The following ADK variants were observed in gnomAD, a reference collection of about 807,000 sequenced individuals.
The protein encoded by ADK is adenosine kinase.
A neutral mutation model predicts 44.7 loss-of-function variants in ADK; 24 were observed. The ratio of observed to expected loss-of-function variants is 0.54; its 90% confidence interval spans 0.39 to 0.76. The LOEUF (loss-of-function observed/expected upper bound fraction) is 0.76, where lower values mean the gene tolerates loss of function less well. Among genes scored for constraint, ADK ranks in the 30% least tolerant of loss-of-function variants. The probability of loss-of-function intolerance (pLI) is 0.00; values close to 1 mark genes in which losing one functional copy is unlikely to be tolerated. For missense variants in ADK, 321 were observed against 425.1 expected, an observed-to-expected ratio of 0.76 and a Z score of 2.15; for synonymous variants, 128 against 142.6, an observed-to-expected ratio of 0.90 and a Z score of 0.73.
chr10:74,547,107 A>AC (rs1849848484), intron 7 of ADK, among the ~76,000 whole-genome samples: 1 of 152,144 alleles, frequency 6.6e-6, no homozygotes, highest in African/African-American at 2.4e-5. Flanking sequence ...AAAGAATTAT[A>AC]AGAAGAGTAC....
chr10:74,525,508 A>ATATAAAT (rs2133622425), intron 7 of ADK, 82 bp downstream of exon 7: 1 of 1,266,788 alleles, frequency 7.9e-7, no homozygotes, highest in East Asian at 2.4e-5. Flanking sequence ...GTTTAGAAAT[A>ATATAAAT]TATAAATTAA....
At chr10:74,157,507 T>C (rs1841781539) in intron 1 of ADK, among the ~76,000 whole-genome samples, 1 of 151,890 alleles carries the variant, frequency 6.6e-6, no homozygotes, top group South Asian at 2.1e-4. Context: ...AGTTGAACTC[T>C]AGACCAGACA....
intron 1 of ADK, among the ~76,000 whole-genome samples, chr10:74,153,334 G>A (rs554250265): frequency 1.2e-4 from 19 of 152,300 alleles, no homozygotes; most frequent in African/African-American, 4.3e-4. Context: ...ATGGAATTCA[G>A]GGGTGCTGCT....
At position 74,215,978 on chromosome 10, in the gene ADK, T is replaced by G. The variant is rs142831000; in HGVS notation, c.141-8560T>G. ...GCCTAAATCACTCTTTTTAGTGGAC[T>G]CTAAATACCACTGTGATTTGATACC... On this transcript the variant is annotated intron_variant, in intron 2 of 10. Transcript: ENST00000539909. 3.4e-3 allele frequency among the ~76,000 whole-genome samples: 518 copies of G among 152,310 alleles called. 1 individual carries two copies. Among genetic ancestry groups the G allele is most frequent in the African/African-American group, 0.012 (479 of 41,564 alleles).
intron 3 of ADK, among the ~76,000 whole-genome samples, chr10:74,290,508 C>T (rs973258175): frequency 2.2e-4 from 33 of 151,878 alleles, no homozygotes; most frequent in African/African-American, 8.0e-4. Flanking sequence ...TCCAATTACT[C>T]TACAAACCAT....
chr10:74,582,268 G>C (rs1851397120), intron 7 of ADK, among the ~76,000 whole-genome samples: 1 of 151,654 alleles, frequency 6.6e-6, no homozygotes, highest in Admixed American at 6.6e-5. Flanking sequence ...CTGTGATCCT[G>C]CCACTGTATT....
intron 1 of ADK, among the ~76,000 whole-genome samples, chr10:74,199,743 G>A (rs551092388): frequency 3.9e-5 from 6 of 152,002 alleles, no homozygotes; most frequent in Middle Eastern, 3.4e-3. Flanking sequence ...GCAGTGGCAC[G>A]ATCTCGACTC....
intron 9 of ADK, among the ~76,000 whole-genome samples, chr10:74,615,703 A>AGTTTT (rs935829637): frequency 4.0e-5 from 6 of 151,426 alleles, no homozygotes; most frequent in Non-Finnish European, 1.5e-5. Flanking sequence ...TTTTGTGTGT[A>AGTTTT]GTTTTGTTTT....
At chr10:74,413,309 T>C (rs1460539255) in intron 6 of ADK, among the ~76,000 whole-genome samples, 5 of 152,198 alleles carry the variant, frequency 3.3e-5, no homozygotes, top group African/African-American at 1.2e-4. Context: ...GTAAAAGTCT[T>C]CAATAGCATC....
At chr10:74,323,859 C>T (rs1592047543) in intron 4 of ADK, among the ~76,000 whole-genome samples, 1 of 151,606 alleles carries the variant, frequency 6.6e-6, no homozygotes, top group South Asian at 2.1e-4. Flanking sequence ...TGTGAGCCAC[C>T]GCTCCCGGCC....
chr10:74,690,353 AGGCATGGT>A (rs1855945151), intron 10 of ADK, among the ~76,000 whole-genome samples: 1 of 152,074 alleles, frequency 6.6e-6, no homozygotes, highest in South Asian at 2.1e-4. Context: ...AAAATTAGTC[AGGCATGGT>A]GGCACACACC....
Position 74,151,427 on chromosome 10 carries a change from G to A in ADK, c.65+84G>A. The A allele has an allele frequency of 3.5e-6, 5 of 1,438,922 alleles. No homozygotes were observed. The South Asian group carries it at 6.1e-5, about 18-fold the overall frequency. The allele number at this position is 1,438,922 out of a possible 1,614,324, so 89.1% of individuals were successfully genotyped here. A position where few individuals can be genotyped will look rare whatever the true frequency, so the allele number is the denominator to read the frequency against. ...CGTGGGGTTGCACGGCCCCGACGCTGGGTGGTGTCTCTCACTGCCAGCTTG... is the reference window on the plus strand; with the variant it reads ...CGTGGGGTTGCACGGCCCCGACGCTAGGTGGTGTCTCTCACTGCCAGCTTG... On this transcript the variant is annotated intron_variant, in intron 1 of 10. Coordinates refer to ENST00000539909, the MANE Select transcript of ADK (RefSeq NM_006721.4).
chr10:74,277,239 A>G (rs1846724771), intron 3 of ADK, among the ~76,000 whole-genome samples: 1 of 151,950 alleles, frequency 6.6e-6, no homozygotes, highest in Non-Finnish European at 1.5e-5. Context: ...TAATAAGAAT[A>G]CTTAGCTCAT....
intron 1 of ADK, among the ~76,000 whole-genome samples, chr10:74,191,848 G>C (rs1842962218): frequency 6.6e-6 from 1 of 152,132 alleles, no homozygotes; most frequent in Admixed American, 6.5e-5. Flanking sequence ...ATCATGTCCA[G>C]ATTCATGTAG....
At chr10:74,614,443 A>G (rs1852671410) in intron 9 of ADK, among the ~76,000 whole-genome samples, 1 of 152,172 alleles carries the variant, frequency 6.6e-6, no homozygotes, top group African/African-American at 2.4e-5. Flanking sequence ...TAATGTGCAT[A>G]CAAAATTGAT....
At chr10:74,569,730 T>G (rs1850861505) in intron 7 of ADK, among the ~76,000 whole-genome samples, 1 of 152,238 alleles carries the variant, frequency 6.6e-6, no homozygotes, top group Non-Finnish European at 1.5e-5. Context: ...GGTTGCCTGT[T>G]CACTCTGATG....
intron 6 of ADK, among the ~76,000 whole-genome samples, chr10:74,412,390 T>C (rs985379503): frequency 6.6e-6 from 1 of 152,070 alleles, no homozygotes; most frequent in Non-Finnish European, 1.5e-5. Context: ...ATCCTCCCAC[T>C]GCGGCCTCCC....
chr10:74,238,890 T>G (rs543403189), intron 3 of ADK, among the ~76,000 whole-genome samples: 31 of 121,778 alleles, frequency 2.5e-4, no homozygotes, highest in African/African-American at 1.1e-3. Context: ...TAAGACGGAG[T>G]CTCGCTCTGT....
intron 9 of ADK, among the ~76,000 whole-genome samples, chr10:74,640,546 G>A (rs1853804920): frequency 6.6e-6 from 1 of 152,182 alleles, no homozygotes; most frequent in African/African-American, 2.4e-5. Context: ...AGTAAAAGGA[G>A]TAGCTAAAAA....
Sources: allele counts gnomAD v4.1 joint callset (sites outside exome capture counted in the v4.1 genomes callset), GRCh38; gene constraint gnomAD v4.1.1; transcripts MANE v1.5; gene names NCBI Gene and HGNC (gene_info 2026-07-23, HGNC 2026-07-21).